The following RIMS1 variants were observed in gnomAD, a reference collection of about 807,000 sequenced individuals.
The protein encoded by RIMS1 is regulating synaptic membrane exocytosis 1.
In RIMS1, 83 loss-of-function variants were observed where a neutral mutation model predicts 214.1. That is an observed-to-expected ratio of 0.39 (90% CI 0.32 to 0.47). RIMS1 has a LOEUF of 0.47. RIMS1 is among the 20% of genes least tolerant of loss of function. The pLI is 0.99. For missense variants in RIMS1, 2,050 were observed against 2,161.8 expected (o/e 0.95, Z 1.03); for synonymous variants, 793 against 786.8 (o/e 1.01, Z -0.13).
intron 1 of RIMS1, among the ~76,000 whole-genome samples, chr6:71,949,254 G>C (rs1341900456): frequency 6.6e-6 from 1 of 152,066 alleles, no homozygotes; most frequent in African/African-American, 2.4e-5. Context: ...AATTTTTGGG[G>C]ACATCACCTC....
chr6:72,043,154 G>GCACACACA (rs61574291), intron 2 of RIMS1, among the ~76,000 whole-genome samples: 5 of 148,128 alleles, frequency 3.4e-5, no homozygotes, highest in Admixed American at 2.0e-4. Flanking sequence ...GAACTTGCAT[G>GCACACACA]CACACACACA....
chr6:72,137,023 A>T (rs1035356635), intron 4 of RIMS1, among the ~76,000 whole-genome samples: 2 of 152,042 alleles, frequency 1.3e-5, no homozygotes, highest in Admixed American at 6.5e-5. Flanking sequence ...AAAATAAAAT[A>T]ACTAGAATAA....
chr6:72,070,372 A>G (rs1830322454), intron 2 of RIMS1, among the ~76,000 whole-genome samples: 1 of 152,168 alleles, frequency 6.6e-6, no homozygotes, highest in Non-Finnish European at 1.5e-5. Flanking sequence ...GAATAATACA[A>G]TGGTATTAGC....
chr6:72,182,655 TC>T lies in RIMS1; in HGVS notation c.1187del (p.Pro396ArgfsTer49). 6.8e-7 allele frequency: 1 copy of T among 1,477,486 alleles called. No individual in the cohort carries two copies. The highest frequency in any genetic ancestry group is 9.0e-7 in the Non-Finnish European group (1 of 1,117,006). The allele number at this position is 1,477,486 out of a possible 1,614,324, so 91.5% of individuals were successfully genotyped here. A position where few individuals can be genotyped will look rare whatever the true frequency, so the allele number is the denominator to read the frequency against. On this transcript the variant is annotated frameshift_variant, in exon 6 of 34. Transcript: ENST00000521978. LOFTEE classifies it high-confidence loss of function. The stretch of plus-strand genomic sequence containing the variant: ...GAGCGGCGCCACAGCGACGTGGCGC[TC>T]CCGCGCACCGAGGCGGGCGCGGCGC... ...RHERRHSDVA[L>X]PRTEAGAALP...
chr6:72,332,052 T>G (rs1313193216), intron 28 of RIMS1, among the ~76,000 whole-genome samples: 2 of 151,798 alleles, frequency 1.3e-5, no homozygotes, highest in Non-Finnish European at 2.9e-5. Flanking sequence ...TACCAATTTC[T>G]CTCTCATTAT....
In RIMS1 at chr6:72,398,331, T is replaced by G. The variant is rs1226590076; in HGVS notation, c.4701T>G (p.Pro1567=). The part of the protein sequence containing the change: ...VIRARSLTQK[P]GSKSTPAPYV... ...GAGCACGAAGCCTCACACAAAAGCC[T>G]GGTTCCAAATCTACACCTGGTAAGG... Residue 1567 remains proline (P), a synonymous_variant, in exon 32 of 34, where the codon CCT becomes CCG. Transcript: ENST00000521978. 1 of 1,602,394 alleles carries G rather than the reference T, an allele frequency of 6.2e-7. No homozygotes were observed. The highest frequency in any genetic ancestry group is 2.2e-5 in the East Asian group (1 of 44,578).
At chr6:72,097,202 A>G in intron 3 of RIMS1, 40 bp downstream of exon 3, 1 of 1,553,978 alleles carries the variant, frequency 6.4e-7, no homozygotes, top group East Asian at 2.2e-5. Context: ...GTGAATGTGG[A>G]TAAAAACTAT....
At chr6:72,018,679 A>G (rs2151922234) in intron 2 of RIMS1, among the ~76,000 whole-genome samples, 1 of 152,300 alleles carries the variant, frequency 6.6e-6, no homozygotes, top group South Asian at 2.1e-4. Flanking sequence ...TTCTCCATTT[A>G]GAGGCTGGAG....
At chr6:72,253,425 T>G (rs1385376401) in intron 16 of RIMS1, among the ~76,000 whole-genome samples, 1 of 152,170 alleles carries the variant, frequency 6.6e-6, no homozygotes, top group African/African-American at 2.4e-5. Flanking sequence ...TTAGTAAAAC[T>G]TTTGTGATGT....
At chr6:72,093,228 A>ATATATATATATATATACATATATAT (rs200655727) in intron 2 of RIMS1, among the ~76,000 whole-genome samples, 1 of 136,964 alleles carries the variant, frequency 7.3e-6, no homozygotes, top group South Asian at 2.3e-4. Flanking sequence ...ATATATATAT[A>ATATATATATATATATACATATATAT]AAAACATGTG....
chr6:72,344,085 T>C (rs576729535), intron 29 of RIMS1, among the ~76,000 whole-genome samples: 1 of 151,856 alleles, frequency 6.6e-6, no homozygotes, highest in South Asian at 2.1e-4. Context: ...ATGTGAAAAA[T>C]ATTAAATCTC....
intron 4 of RIMS1, among the ~76,000 whole-genome samples, chr6:72,104,621 T>C (rs560156571): frequency 6.6e-6 from 1 of 152,274 alleles, no homozygotes; most frequent in African/African-American, 2.4e-5. Flanking sequence ...TGGCCGTACC[T>C]ACCAAGAATA....
At chr6:72,337,811 A>C (rs1209859085) in intron 29 of RIMS1, among the ~76,000 whole-genome samples, 1 of 138,994 alleles carries the variant, frequency 7.2e-6, no homozygotes, top group African/African-American at 2.7e-5. Flanking sequence ...TCATTGTTCA[A>C]TTCCCACCTA....
chr6:71,979,144 T>C (rs1355809187), intron 2 of RIMS1, among the ~76,000 whole-genome samples: 1 of 152,100 alleles, frequency 6.6e-6, no homozygotes, highest in East Asian at 1.9e-4. Context: ...CCCTCTTCAA[T>C]TTCTTGACTA....
intron 4 of RIMS1, among the ~76,000 whole-genome samples, chr6:72,141,329 T>C (rs2496551): frequency 0.92 from 139,890 of 151,978 alleles, 64,478 homozygotes; most frequent in East Asian, 1. Flanking sequence ...AAAATAACTC[T>C]AGTGGAACTT....
intron 2 of RIMS1, among the ~76,000 whole-genome samples, chr6:72,093,191 AT>A: frequency 9.7e-6 from 1 of 103,588 alleles, no homozygotes; most frequent in East Asian, 2.8e-4. Flanking sequence ...TTAGATATGT[AT>A]TAAGCATATG....
chr6:71,904,280 G>A (rs565865974), intron 1 of RIMS1, among the ~76,000 whole-genome samples: 3 of 152,110 alleles, frequency 2.0e-5, no homozygotes, highest in Non-Finnish European at 2.9e-5. Context: ...TGTGCAAGAC[G>A]CTTATTAGGG....
intron 1 of RIMS1, among the ~76,000 whole-genome samples, chr6:71,936,255 A>T (rs1288869487): frequency 7.7e-6 from 1 of 129,156 alleles, no homozygotes; most frequent in African/African-American, 2.9e-5. Flanking sequence ...TGAACCCGGG[A>T]GGCGGAGCTT....
intron 1 of RIMS1, among the ~76,000 whole-genome samples, chr6:71,959,406 C>A (rs1226024924): frequency 3.9e-5 from 6 of 152,064 alleles, no homozygotes. Context: ...ATTGGGCTCC[C>A]AGATGAGGGA....
Sources: allele counts gnomAD v4.1 joint callset (sites outside exome capture counted in the v4.1 genomes callset), GRCh38; gene constraint gnomAD v4.1.1; transcripts MANE v1.5; gene names NCBI Gene and HGNC (gene_info 2026-07-23, HGNC 2026-07-21).